The following PECR variants were observed in gnomAD, a reference collection of about 807,000 sequenced individuals.
PECR encodes the protein 2,4-dienoyl-CoA reductase-related protein.
In PECR, 30 loss-of-function variants were observed where a neutral mutation model predicts 35.3. That is an observed-to-expected ratio of 0.85 (90% CI 0.64 to 1.15). The LOEUF (loss-of-function observed/expected upper bound fraction) is 1.15. PECR is among the 50% of genes most tolerant of loss of function. The pLI is 0.00. For missense variants in PECR, 392 were observed against 370.8 expected, an observed-to-expected ratio of 1.06 and a Z score of -0.47; for synonymous variants, 148 against 138.9, an observed-to-expected ratio of 1.07 and a Z score of -0.46.
chr2:216,081,570 C>G, intron 1 of PECR, 48 bp downstream of exon 1: 1 of 1,612,564 alleles, frequency 6.2e-7, no homozygotes, highest in Non-Finnish European at 8.5e-7. Flanking sequence ...TCCAGGTTAC[C>G]CCAGGTCACC....
chr2:216,056,025 A>G (rs566972285), intron 4 of PECR, among the ~76,000 whole-genome samples: 7 of 152,238 alleles, frequency 4.6e-5, no homozygotes, highest in Admixed American at 4.6e-4. Context: ...TGCTCCTTTT[A>G]TCTTGCACAC....
chr2:216,054,939 C>T (rs536023343), intron 4 of PECR, among the ~76,000 whole-genome samples: 9 of 151,652 alleles, frequency 5.9e-5, no homozygotes, highest in South Asian at 2.1e-4. Context: ...AGTGAAACCC[C>T]GTCACTACTA....
chr2:216,076,571 C>T (rs771278037), intron 1 of PECR, among the ~76,000 whole-genome samples: 4 of 151,988 alleles, frequency 2.6e-5, no homozygotes, highest in South Asian at 2.1e-4. Context: ...AGGCCGAGGC[C>T]GGCAGATAAC....
At chr2:216,054,374 T>A in intron 4 of PECR, among the ~76,000 whole-genome samples, 1 of 126,004 alleles carries the variant, frequency 7.9e-6, no homozygotes, top group South Asian at 2.3e-4. Context: ...TTTCTTTCTT[T>A]TTTTTTTTTT....
intron 5 of PECR, among the ~76,000 whole-genome samples, chr2:216,049,766 G>A (rs1476589687): frequency 1.3e-5 from 2 of 152,212 alleles, no homozygotes; most frequent in Non-Finnish European, 2.9e-5. Context: ...ATGGCTACGT[G>A]AGACTTAGAA....
At chr2:216,061,711 C>T (rs1695356071) in intron 3 of PECR, among the ~76,000 whole-genome samples, 1 of 151,628 alleles carries the variant, frequency 6.6e-6, no homozygotes, top group African/African-American at 2.4e-5. Flanking sequence ...GTACAAGAAA[C>T]TAAAGAGACA....
chr2:216,047,036 G>A (rs1379176014), intron 6 of PECR, among the ~76,000 whole-genome samples: 3 of 152,204 alleles, frequency 2.0e-5, no homozygotes, highest in Admixed American at 6.5e-5. Context: ...GGGAGGTTGA[G>A]GCAGGTGGAT....
chr2:216,058,030 A>C (rs1471656427), intron 4 of PECR: 1 of 152,274 alleles, frequency 6.6e-6, no homozygotes, highest in Non-Finnish European at 1.5e-5. Flanking sequence ...ACATGAAGAA[A>C]GCAAAACCAA....
At position 216,051,886 on chromosome 2, in the gene PECR, G is replaced by T. The variant is rs576404031; in HGVS notation, c.507-341C>A. On this transcript the variant is annotated intron_variant, in intron 4 of 7. Coordinates refer to ENST00000265322, the MANE Select transcript of PECR (RefSeq NM_018441.6). ...CAAGCCTGTGGTTATTTTTAACATC[G>T]ATTTTAAATAACAAAGGAGGCCAGG... Among the ~76,000 whole-genome samples, 3 of 152,168 alleles carry T rather than the reference G, an allele frequency of 2.0e-5. 1 individual carries two copies. The highest frequency in any genetic ancestry group is 7.2e-5 in the African/African-American group (3 of 41,544).
intron 1 of PECR, among the ~76,000 whole-genome samples, chr2:216,079,371 CT>C (rs781386180): frequency 2.4e-3 from 345 of 142,412 alleles, no homozygotes; most frequent in Admixed American, 2.9e-3. Flanking sequence ...ATATGTAATA[CT>C]TTTTTTTTTT....
chr2:216,076,780 ACAAAGCAAGATTCCATCT>A (rs1490837917), intron 1 of PECR, among the ~76,000 whole-genome samples: 1 of 152,078 alleles, frequency 6.6e-6, no homozygotes, highest in Non-Finnish European at 1.5e-5. Context: ...AGCCTGGGCA[ACAAAGCAAGATTCCATCT>A]CAATAAATAA....
chr2:216,054,986 C>A (rs1695195976), intron 4 of PECR, among the ~76,000 whole-genome samples: 1 of 151,952 alleles, frequency 6.6e-6, no homozygotes, highest in Non-Finnish European at 1.5e-5. Context: ...GTGGCGTGCA[C>A]CTGTAATCCC....
chr2:216,045,690 A>T (rs1694975800), intron 6 of PECR, among the ~76,000 whole-genome samples: 1 of 152,240 alleles, frequency 6.6e-6, no homozygotes, highest in African/African-American at 2.4e-5. Context: ...AGACATGGTA[A>T]CAAGCAACAG....
At chr2:216,043,681 T>C (rs1574677386) in intron 7 of PECR, among the ~76,000 whole-genome samples, 3 of 152,132 alleles carry the variant, frequency 2.0e-5, no homozygotes, top group African/African-American at 7.2e-5. Flanking sequence ...CACCAACCTA[T>C]GCATGCACAA....
intron 3 of PECR, among the ~76,000 whole-genome samples, chr2:216,064,733 A>G (rs1361321642): frequency 6.6e-6 from 1 of 152,210 alleles, no homozygotes; most frequent in Non-Finnish European, 1.5e-5. Flanking sequence ...CTAAGAATAT[A>G]AAGCCTAATT....
chr2:216,031,579 GAAAGAAGGAAAGA>G (rs941832327), intron 7 of PECR, among the ~76,000 whole-genome samples: 6 of 137,122 alleles, frequency 4.4e-5, no homozygotes, highest in Admixed American at 1.5e-4. Context: ...AGGAAGGAAA[GAAAGAAGGAAAGA>G]AAAGAAGGAA....
intron 5 of PECR, 83 bp downstream of exon 5, chr2:216,051,366 T>C (rs1482369143): frequency 3.5e-6 from 3 of 846,868 alleles, no homozygotes; most frequent in Non-Finnish European, 6.2e-6. Flanking sequence ...TACTTGCTTA[T>C]TACCAAATAC....
chr2:216,077,324 G>A (rs903711426), intron 1 of PECR, among the ~76,000 whole-genome samples: 1 of 80,866 alleles, frequency 1.2e-5, no homozygotes, highest in Non-Finnish European at 2.4e-5. Flanking sequence ...GGCTAACACG[G>A]TGAAACCCCC....
At chr2:216,076,306 T>A (rs1242386785) in intron 1 of PECR, among the ~76,000 whole-genome samples, 1 of 152,156 alleles carries the variant, frequency 6.6e-6, no homozygotes, top group Non-Finnish European at 1.5e-5. Context: ...AATTCTCATG[T>A]GTCAGCCTCC....
Sources: allele counts gnomAD v4.1 joint callset (sites outside exome capture counted in the v4.1 genomes callset), GRCh38; gene constraint gnomAD v4.1.1; transcripts MANE v1.5; gene names NCBI Gene and HGNC (gene_info 2026-07-23, HGNC 2026-07-21).